The following KALRN variants were observed in gnomAD, a reference collection of about 807,000 sequenced individuals.
KALRN encodes the protein kalirin.
In KALRN, 70 loss-of-function variants were observed where a neutral mutation model predicts 353.7. The ratio of observed to expected loss-of-function variants is 0.20; its 90% CI spans 0.16 to 0.24. The LOEUF (loss-of-function observed/expected upper bound fraction) is 0.24. KALRN is among the 10% of genes least tolerant of loss of function. The pLI is 1.00. For missense variants in KALRN, 2,791 were observed against 3,756.7 expected (o/e 0.74, Z 6.72); for synonymous variants, 1,391 against 1,434.8 (o/e 0.97, Z 0.69).
At chr3:124,709,117 A>T (rs944737156) in intron 57 of KALRN, among the ~76,000 whole-genome samples, 7 of 151,938 alleles carry the variant, frequency 4.6e-5, no homozygotes, top group African/African-American at 1.7e-4. Flanking sequence ...AAATCAAAAC[A>T]AAAGTAGAAG....
chr3:124,149,398 T>C (rs546140420), intron 1 of KALRN, among the ~76,000 whole-genome samples: 35 of 152,324 alleles, frequency 2.3e-4, no homozygotes, highest in African/African-American at 8.2e-4. Flanking sequence ...GCCTCCACAA[T>C]GCATGATCTT....
intron 2 of KALRN, among the ~76,000 whole-genome samples, chr3:124,233,473 G>A (rs2079406548): frequency 6.6e-6 from 1 of 152,228 alleles, no homozygotes; most frequent in South Asian, 2.1e-4. Context: ...TCTGCCCTGA[G>A]TGGGGGCGCT....
chr3:124,297,340 A>G (rs1423748990), intron 5 of KALRN, among the ~76,000 whole-genome samples: 1 of 152,228 alleles, frequency 6.6e-6, no homozygotes, highest in Non-Finnish European at 1.5e-5. Flanking sequence ...AGTCCATCCC[A>G]AATGGATTGT....
chr3:124,562,604 A>T, intron 33 of KALRN: 1 of 309,818 alleles, frequency 3.2e-6, no homozygotes, highest in Non-Finnish European at 6.3e-6. Context: ...AGCCTGAGTG[A>T]TTGAATAGCA....
intron 37 of KALRN, among the ~76,000 whole-genome samples, chr3:124,649,836 T>TAGATA (rs1040385326): frequency 3.3e-5 from 5 of 149,624 alleles, no homozygotes; most frequent in Admixed American, 6.7e-5. Flanking sequence ...GATAGATAGA[T>TAGATA]ATTATGGCTG....
chr3:124,110,838 G>A (rs756898326), intron 1 of KALRN, among the ~76,000 whole-genome samples: 52 of 152,288 alleles, frequency 3.4e-4, no homozygotes, highest in Non-Finnish European at 5.4e-4. Context: ...AGCTTAGAGT[G>A]AATGTTGTTT....
At chr3:124,565,087 A>G (rs933162536) in intron 34 of KALRN, among the ~76,000 whole-genome samples, 2 of 152,318 alleles carry the variant, frequency 1.3e-5, no homozygotes, top group East Asian at 3.9e-4. Context: ...CTGGAGTGCC[A>G]TCTGGTCTAC....
At chr3:124,047,191 A>G (rs1422414137) in intron 1 of KALRN, among the ~76,000 whole-genome samples, 1 of 152,206 alleles carries the variant, frequency 6.6e-6, no homozygotes, top group East Asian at 1.9e-4. Flanking sequence ...AAGTTCAAAC[A>G]TGCAAATGGA....
Position 124,174,625 on chromosome 3 carries a change from G to A in KALRN, c.74-53365G>A, listed in dbSNP as rs534506631. Among the ~76,000 whole-genome samples the A allele has an allele frequency of 3.9e-5, 6 of 152,108 alleles. No homozygotes were observed. The East Asian group carries it at 5.8e-4, about 15-fold the overall frequency. ...GCAAGGTGCCCAGAAGTCCTTAATC[G>A]CATCTGTCTCCCAGGAGGAGGGCAT... On this transcript the variant is annotated intron_variant, in intron 1 of 59. Coordinates refer to ENST00000682506, the MANE Select transcript of KALRN (RefSeq NM_001388419.1).
chr3:124,444,667 G>C (rs1199740721), intron 19 of KALRN, among the ~76,000 whole-genome samples: 3 of 151,946 alleles, frequency 2.0e-5, no homozygotes, highest in Admixed American at 6.6e-5. Flanking sequence ...AATTGACTGG[G>C]TGTGGTGGCG....
chr3:124,337,266 C>T (rs2081230453), intron 9 of KALRN, among the ~76,000 whole-genome samples: 1 of 152,150 alleles, frequency 6.6e-6, no homozygotes. Flanking sequence ...CTAGCTTTTG[C>T]CCAGTCAGTA....
chr3:124,386,818 G>GT (rs2088411652), intron 11 of KALRN, among the ~76,000 whole-genome samples: 1 of 152,134 alleles, frequency 6.6e-6, no homozygotes, highest in African/African-American at 2.4e-5. Context: ...TATTACATGA[G>GT]TTTTTTAAAT....
At chr3:124,492,455 G>C (rs903333079) in intron 31 of KALRN, among the ~76,000 whole-genome samples, 13 of 152,178 alleles carry the variant, frequency 8.5e-5, no homozygotes, top group African/African-American at 1.4e-4. Context: ...TCCACCTCCA[G>C]GGCAGATATC....
At chr3:124,234,327 G>A (rs926241811) in intron 2 of KALRN, among the ~76,000 whole-genome samples, 1 of 152,106 alleles carries the variant, frequency 6.6e-6, no homozygotes, top group Non-Finnish European at 1.5e-5. Flanking sequence ...TCCCAGTAAT[G>A]CTATCCTGGG....
At chr3:124,607,588 T>TAG (rs2077479447) in intron 34 of KALRN, among the ~76,000 whole-genome samples, 1 of 152,136 alleles carries the variant, frequency 6.6e-6, no homozygotes, top group Non-Finnish European at 1.5e-5. Flanking sequence ...TAGGAGAAAA[T>TAG]AAGGAAAATA....
At chr3:124,399,144 G>GTTTTC (rs1488298814) in intron 13 of KALRN, among the ~76,000 whole-genome samples, 6 of 151,868 alleles carry the variant, frequency 4.0e-5, no homozygotes, top group Non-Finnish European at 8.8e-5. Flanking sequence ...GTTTTGTTTT[G>GTTTTC]TTTTGTTCTG....
chr3:124,265,837 G>A lies in KALRN; in HGVS notation c.456+1147G>A, dbSNP rs186746246. 2.8e-3 allele frequency among the ~76,000 whole-genome samples: 423 copies of A among 152,274 alleles called. 2 individuals are homozygous for A. The highest frequency in any genetic ancestry group is 3.8e-3 in the Non-Finnish European group (261 of 68,032). ...ATTAATCCACAAATACTGGCTGGGC[G>A]TGGTGATTCACGCCTGTACTGTAAT... On this transcript the variant is annotated intron_variant, in intron 4 of 59. Transcript: ENST00000682506.
chr3:124,406,983 G>A (rs188153307), intron 13 of KALRN, among the ~76,000 whole-genome samples: 103 of 151,910 alleles, frequency 6.8e-4, no homozygotes, highest in African/African-American at 2.4e-3. Flanking sequence ...ACAGGTATGC[G>A]CCACCACGCC....
intron 34 of KALRN, among the ~76,000 whole-genome samples, chr3:124,621,638 G>T (rs148606180): frequency 4.6e-5 from 7 of 152,238 alleles, no homozygotes; most frequent in African/African-American, 1.4e-4. Flanking sequence ...CCCACTTCCC[G>T]GCCCCATTTC....
Sources: gnomAD v4.1 joint callset for allele counts (sites outside exome capture counted in the v4.1 genomes callset) on GRCh38, gnomAD v4.1.1 for gene constraint, MANE v1.5 for transcripts, NCBI Gene and HGNC (gene_info 2026-07-23, HGNC 2026-07-21) for gene names.